Variants in MMP28 observed in about 807,000 individuals in gnomAD.
MMP28 encodes the protein matrix metallopeptidase 28.
MMP28 carries 55 observed loss-of-function variants against 60.5 expected under a neutral mutation model. The ratio of observed to expected loss-of-function variants is 0.91; its 90% CI spans 0.73 to 1.14. The LOEUF (loss-of-function observed/expected upper bound fraction) is 1.14, where lower values mean the gene tolerates loss of function less well. MMP28 is among the 50% of genes most tolerant of loss of function. The pLI is 0.00. For synonymous variants in MMP28, 318 were observed against 312.5 expected (o/e 1.02, Z -0.18); for missense variants, 686 against 738.3 (o/e 0.93, Z 0.82).
Position 35,766,390 on chromosome 17 carries a change from C to T in MMP28, c.*110G>A, listed in dbSNP as rs965696048. 2.8e-6 allele frequency: 4 copies of T among 1,426,336 alleles called. No individual in the cohort carries two copies. The highest frequency in any genetic ancestry group is 1.5e-5 in the South Asian group (1 of 66,156). 88.4% of individuals were successfully genotyped at this position (1,426,336 alleles called of 1,614,324 possible). On this transcript the variant is annotated 3_prime_UTR_variant, in exon 8 of 8. Transcript: ENST00000605424. The surrounding 1 kb of genome is among the most constrained non-coding windows in gnomAD (Gnocchi z 4.3). ...ACTTCCAGATGGAGGCTTTGCTGCC[C>T]GGTCTTCTGCAGAGGGACTCAGAGG...
At chr17:35,758,508 A>C (rs2085765418) in intron 2 of MMP28, among the ~76,000 whole-genome samples, 1 of 152,138 alleles carries the variant, frequency 6.6e-6, no homozygotes, top group African/African-American at 2.4e-5. Flanking sequence ...CCTGGCCAAC[A>C]GGGTGAAACC....
intron 4 of MMP28, among the ~76,000 whole-genome samples, chr17:35,770,714 ATG>A (rs56074641): frequency 0.075 from 11,025 of 146,958 alleles, 508 homozygotes; most frequent in Admixed American, 0.16. Context: ...TGAATAATAA[ATG>A]TGTGTGTGTG....
At chr17:35,773,976 CA>C (rs2086249146) in intron 3 of MMP28, among the ~76,000 whole-genome samples, 2 of 152,234 alleles carry the variant, frequency 1.3e-5, no homozygotes, top group Admixed American at 1.3e-4. Flanking sequence ...CCAACAACCA[CA>C]AGACTCATTC....
chr17:35,779,379 C>G, intron 1 of MMP28, 56 bp from the exon 2 acceptor site: 11 of 1,425,616 alleles, frequency 7.7e-6, no homozygotes, highest in African/African-American at 1.4e-5. Context: ...CTCCCTTGGT[C>G]CCCAAGGGCC....
intron 2 of MMP28, chr17:35,760,807 GGGCAGGTGA>G (rs1430191766): frequency 1.0e-6 from 1 of 984,894 alleles, no homozygotes; most frequent in Non-Finnish European, 1.6e-6. Context: ...AGAGCCTTAT[GGGCAGGTGA>G]GGTTCTAGCC....
downstream of MMP28, chr17:35,764,783 G>A: frequency 1.4e-6 from 1 of 737,920 alleles, no homozygotes; most frequent in Non-Finnish European, 2.0e-6. Flanking sequence ...CCCACTGTTG[G>A]TGCTTGGTTC....
In MMP28 at chr17:35,772,619, T is replaced by C. The variant is rs142810170; in HGVS notation, c.604+561A>G. Among the ~76,000 whole-genome samples, 5 of 152,368 alleles carry C rather than the reference T, an allele frequency of 3.3e-5. No homozygotes were observed. The East Asian group carries it at 9.6e-4, about 29-fold the overall frequency. On this transcript the variant is annotated intron_variant, in intron 4 of 7. Transcript: ENST00000605424. ...ATGTGCAAACAGCCTATATTCAGGT[T>C]CTGAAGGCTAGCGTTAGGCAGAAGG...
intron 2 of MMP28, among the ~76,000 whole-genome samples, chr17:35,757,690 A>G (rs1480693869): frequency 6.6e-6 from 1 of 152,198 alleles, no homozygotes; most frequent in African/African-American, 2.4e-5. Flanking sequence ...CCTTTTCTCT[A>G]TACAAATGTA....
intron 2 of MMP28, chr17:35,760,802 C>T: frequency 1.0e-6 from 1 of 955,100 alleles, no homozygotes. Context: ...TGGGCAGAGC[C>T]TTATGGGCAG....
intron 6 of MMP28, 98 bp downstream of exon 6, chr17:35,768,132 C>G: frequency 6.9e-7 from 1 of 1,454,924 alleles, no homozygotes; most frequent in Non-Finnish European, 9.2e-7. Flanking sequence ...GGATTTCTGG[C>G]TTTTACAGTC....
At chr17:35,782,051 C>CTTTT (rs1399946214) in intron 1 of MMP28, among the ~76,000 whole-genome samples, 7 of 130,868 alleles carry the variant, frequency 5.3e-5, no homozygotes, top group African/African-American at 1.8e-4. Flanking sequence ...GTATTTCTCT[C>CTTTT]TTTTTTTTTT....
At chr17:35,759,700 T>C (rs2085782377) in intron 2 of MMP28, among the ~76,000 whole-genome samples, 1 of 151,336 alleles carries the variant, frequency 6.6e-6, no homozygotes, top group African/African-American at 2.4e-5. Context: ...CTCTGTCCGC[T>C]ACCCCCCACC....
intron 1 of MMP28, among the ~76,000 whole-genome samples, chr17:35,783,873 G>A (rs2086575344): frequency 6.6e-6 from 1 of 152,144 alleles, no homozygotes; most frequent in Admixed American, 6.5e-5. Context: ...TAGGTAGCAA[G>A]GCAGAGTTAA....
At chr17:35,789,757 A>C (rs1293856478) in intron 1 of MMP28, among the ~76,000 whole-genome samples, 3 of 151,042 alleles carry the variant, frequency 2.0e-5, no homozygotes, top group Non-Finnish European at 4.4e-5. Context: ...CATAATTTGC[A>C]ACATTTAATT....
intron 2 of MMP28, among the ~76,000 whole-genome samples, chr17:35,759,616 G>A (rs1336673978): frequency 2.0e-5 from 3 of 152,144 alleles, no homozygotes; most frequent in Non-Finnish European, 4.4e-5. Context: ...CAGGAGAATT[G>A]CTTGAACCCG....
intron 4 of MMP28, among the ~76,000 whole-genome samples, chr17:35,772,340 A>C (rs1016530448): frequency 6.6e-6 from 1 of 152,180 alleles, no homozygotes; most frequent in African/African-American, 2.4e-5. Flanking sequence ...TGTCAGGTAG[A>C]TCACATGGAT....
intron 4 of MMP28, among the ~76,000 whole-genome samples, chr17:35,772,635 A>G (rs946817789): frequency 4.1e-4 from 62 of 152,336 alleles, no homozygotes; most frequent in African/African-American, 1.4e-3. Flanking sequence ...GGCTAGCGTT[A>G]GGCAGAAGGG....
intron 3 of MMP28, among the ~76,000 whole-genome samples, chr17:35,776,064 TG>T (rs1285466960): frequency 6.6e-6 from 1 of 151,834 alleles, no homozygotes; most frequent in Non-Finnish European, 1.5e-5. Context: ...TTAGTAGAGA[TG>T]GGGTTTCACC....
At chr17:35,778,733 G>A in intron 3 of MMP28, 155 bp downstream of exon 3, 1 of 1,482,340 alleles carries the variant, frequency 6.7e-7, no homozygotes, top group Non-Finnish European at 9.0e-7. Flanking sequence ...CACAATCATG[G>A]TCCTCAAGCC....
Sources: allele counts gnomAD v4.1 joint callset (sites outside exome capture counted in the v4.1 genomes callset), GRCh38; gene constraint gnomAD v4.1.1; non-coding constraint Gnocchi (gnomAD v3.1); transcripts MANE v1.5; gene names NCBI Gene and HGNC (gene_info 2026-07-23, HGNC 2026-07-21).